STXBP4: variants seen among roughly 807,000 people sequenced by gnomAD.
STXBP4 encodes syntaxin binding protein 4.
STXBP4 carries 55 observed loss-of-function variants against 76.1 expected under a neutral mutation model. The observed-to-expected ratio is 0.72, with a 90% CI of 0.58 to 0.91. The LOEUF is 0.91. STXBP4 is among the 40% of genes least tolerant of loss of function. The pLI, the probability that STXBP4 is intolerant of heterozygous loss-of-function variation, is 0.00. For missense variants in STXBP4, 618 were observed against 636.9 expected, an observed-to-expected ratio of 0.97 and a Z score of 0.32; for synonymous variants, 201 against 220.2, an observed-to-expected ratio of 0.91 and a Z score of 0.77.
chr17:55,099,319 G>T (rs2079535761), intron 16 of STXBP4, among the ~76,000 whole-genome samples: 1 of 152,158 alleles, frequency 6.6e-6, no homozygotes, highest in African/African-American at 2.4e-5. Flanking sequence ...TGATGTATTG[G>T]TTAATGACAA....
chr17:55,198,717 A>T, the STXBP4 span, among the ~76,000 whole-genome samples: 7 of 152,214 alleles, frequency 4.6e-5, no homozygotes, highest in Non-Finnish European at 7.3e-5. Flanking sequence ...AAATATCAGC[A>T]CCCTTTTCTC....
In STXBP4 at chr17:55,073,082, C is replaced by A; in HGVS notation, c.1188+6C>A. ...ATTATTCTGACCAAAATAAAGTAAG[C>A]AAAGCAGTCATCTCTTCCAGTTACC... On this transcript the variant is annotated splice_donor_region_variant and intron_variant, in intron 13 of 17. Coordinates refer to ENST00000376352, the MANE Select transcript of STXBP4 (RefSeq NM_178509.6). 6.2e-7 allele frequency: 1 copy of A among 1,611,926 alleles called. No homozygotes were observed.
intron 17 of STXBP4, among the ~76,000 whole-genome samples, chr17:55,153,952 G>A (rs1038389735): frequency 4.6e-5 from 7 of 152,102 alleles, no homozygotes; most frequent in African/African-American, 1.7e-4. Context: ...TATTTATTGA[G>A]AAAGTAGTAG....
intron 16 of STXBP4, among the ~76,000 whole-genome samples, chr17:55,130,124 T>G (rs1281235086): frequency 6.6e-6 from 1 of 152,178 alleles, no homozygotes; most frequent in Non-Finnish European, 1.5e-5. Context: ...CCTCTACAGC[T>G]GCAAACTGAA....
At chr17:55,068,146 G>C (rs2144851817) in intron 12 of STXBP4, among the ~76,000 whole-genome samples, 1 of 152,188 alleles carries the variant, frequency 6.6e-6, no homozygotes. Flanking sequence ...TAATTCAATA[G>C]CTCTTTTCCT....
chr17:55,143,501 G>A (rs189016959), intron 17 of STXBP4, among the ~76,000 whole-genome samples: 3 of 152,306 alleles, frequency 2.0e-5, no homozygotes, highest in Admixed American at 2.0e-4. Flanking sequence ...AGAGAAAGCA[G>A]GAACAAGTGA....
intron 4 of STXBP4, chr17:54,991,875 CT>C (rs2077723536): frequency 6.6e-6 from 1 of 151,578 alleles, no homozygotes; most frequent in Admixed American, 6.6e-5. Flanking sequence ...GAGAAAGGAT[CT>C]TCTTATTTTG....
At chr17:55,080,980 C>G in intron 15 of STXBP4, 70 bp from the exon 16 acceptor site, 7 of 1,291,980 alleles carry the variant, frequency 5.4e-6, no homozygotes, top group Non-Finnish European at 6.0e-6. Flanking sequence ...ACTGATACAA[C>G]TTCAGATTTA....
At chr17:55,107,988 G>C (rs1459424420) in intron 16 of STXBP4, among the ~76,000 whole-genome samples, 1 of 152,220 alleles carries the variant, frequency 6.6e-6, no homozygotes, top group Non-Finnish European at 1.5e-5. Flanking sequence ...CAGCAGGCAG[G>C]AACATTTAAG....
Position 54,969,196 on chromosome 17 carries a change from A to G in STXBP4, c.-157+381A>G, listed in dbSNP as rs191087688. On this transcript the variant is annotated intron_variant, in intron 1 of 17. Coordinates refer to ENST00000376352, the MANE Select transcript of STXBP4 (RefSeq NM_178509.6). ...CTCTGATGCCCCTTACAACTTGCCCAGTGGAAAGCACCACAGCTGGAGCAG... is the reference window on the plus strand; with the variant it reads ...CTCTGATGCCCCTTACAACTTGCCCGGTGGAAAGCACCACAGCTGGAGCAG... 9.5e-4 allele frequency among the ~76,000 whole-genome samples: 145 copies of G among 152,266 alleles called. 6 individuals are homozygous for G. In the East Asian group the frequency reaches 0.02, roughly 20 times the overall value.
At chr17:55,038,153 C>G (rs2078636832) in intron 10 of STXBP4, among the ~76,000 whole-genome samples, 1 of 151,902 alleles carries the variant, frequency 6.6e-6, no homozygotes, top group African/African-American at 2.4e-5. Flanking sequence ...GATGGCTTGT[C>G]TTTCTTAATT....
At chr17:55,086,921 G>A (rs750076388) in intron 16 of STXBP4, among the ~76,000 whole-genome samples, 36 of 151,982 alleles carry the variant, frequency 2.4e-4, no homozygotes, top group Non-Finnish European at 4.3e-4. Flanking sequence ...ATCTTCTCCA[G>A]CATTTACTTT....
chr17:54,990,804 T>C, intron 3 of STXBP4, 21 bp from the exon 4 acceptor site: 1 of 1,585,382 alleles, frequency 6.3e-7, no homozygotes, highest in Non-Finnish European at 8.5e-7. Context: ...AACCTGTGTG[T>C]GCTAATTTAC....
At chr17:55,061,075 G>T (rs2078988542) in intron 12 of STXBP4, among the ~76,000 whole-genome samples, 1 of 152,160 alleles carries the variant, frequency 6.6e-6, no homozygotes, top group African/African-American at 2.4e-5. Context: ...CTTGAGAAGA[G>T]CATGAAGTCC....
In STXBP4 at chr17:55,167,213, C is replaced by T. The variant is rs1429072308; in HGVS notation, c.*7302C>T. Reference sequence around the variant, plus strand: ...GGAAAGTAGGGCATGTGTCATCTCTCCTAGTAGACTGTGAGTCCTTTATTA... The same window carrying T: ...GGAAAGTAGGGCATGTGTCATCTCTTCTAGTAGACTGTGAGTCCTTTATTA... On this transcript the variant is annotated 3_prime_UTR_variant, in exon 18 of 18. Coordinates refer to ENST00000376352, the MANE Select transcript of STXBP4 (RefSeq NM_178509.6). 6.6e-6 allele frequency: 1 copy of T among 152,188 alleles called. No individual in the cohort carries two copies. Among genetic ancestry groups the T allele is most frequent in the Non-Finnish European group, 1.5e-5 (1 of 68,038 alleles). 9.4% of individuals were successfully genotyped at this position (152,188 alleles called of 1,614,324 possible).
At position 55,052,885 on chromosome 17, in the gene STXBP4, T is replaced by TAAA. The variant is rs57404823; in HGVS notation, c.1011+5748_1011+5750dup. 3.2e-4 allele frequency among the ~76,000 whole-genome samples: 33 copies of TAAA among 104,020 alleles called. 2 individuals carry two copies. Among genetic ancestry groups the TAAA allele is most frequent in the East Asian group, 3.1e-3 (10 of 3,226 alleles). 68.2% of individuals were successfully genotyped at this position (104,020 alleles called of 152,430 possible). On this transcript the variant is annotated intron_variant, in intron 12 of 17. Transcript: ENST00000376352. ...GCTCAAAATGAGAGAAAGTTTTGTT[T>TAAA]AAAAAAAAAAAAAAAAAAAGACGTG...
At chr17:55,138,578 A>G (rs1258027968) in intron 16 of STXBP4, among the ~76,000 whole-genome samples, 1 of 152,166 alleles carries the variant, frequency 6.6e-6, no homozygotes, top group African/African-American at 2.4e-5. Context: ...ACTTCTAATC[A>G]AAAGCAATTT....
chr17:55,016,070 C>A lies in STXBP4; in HGVS notation c.666+8473C>A, dbSNP rs553901178. Among the ~76,000 whole-genome samples the A allele has an allele frequency of 2.0e-5, 3 of 152,148 alleles. No individual in the cohort carries two copies. In the South Asian group the frequency reaches 6.2e-4, roughly 32 times the overall value. On this transcript the variant is annotated intron_variant, in intron 8 of 17. Coordinates refer to ENST00000376352, the MANE Select transcript of STXBP4 (RefSeq NM_178509.6). ...AGAATACATCTTAAGGGCATTTTTGCCTTGGAGAGAACATTTCTCTTCTGG... is the reference window on the plus strand; with the variant it reads ...AGAATACATCTTAAGGGCATTTTTGACTTGGAGAGAACATTTCTCTTCTGG...
intron 8 of STXBP4, among the ~76,000 whole-genome samples, chr17:55,016,709 T>C (rs545795855): frequency 1.1e-3 from 174 of 152,346 alleles, no homozygotes; most frequent in African/African-American, 3.8e-3. Context: ...GTCCTTTGTA[T>C]GGTAATTAAG....
Sources: gnomAD v4.1 joint callset for allele counts (sites outside exome capture counted in the v4.1 genomes callset) on GRCh38, gnomAD v4.1.1 for gene constraint, MANE v1.5 for transcripts, NCBI Gene and HGNC (gene_info 2026-07-23, HGNC 2026-07-21) for gene names.